The following PAM16 variants were observed in gnomAD, a reference collection of about 807,000 sequenced individuals.
PAM16 encodes the protein mitochondrial import inner membrane translocase subunit TIM16.
A neutral mutation model predicts 17.9 loss-of-function variants in PAM16; 11 were observed. The observed-to-expected ratio is 0.62, with a 90% CI of 0.39 to 1.02. The LOEUF (loss-of-function observed/expected upper bound fraction) is 1.02, where lower values mean the gene tolerates loss of function less well. Ranked by LOEUF, PAM16 falls within the 50% of genes least tolerant of loss-of-function variation. The probability of loss-of-function intolerance (pLI) is 0.01; values close to 1 mark genes in which losing one functional copy is unlikely to be tolerated. For missense variants in PAM16, 199 were observed against 165.4 expected (o/e 1.20, Z -1.11); for synonymous variants, 72 against 67.4 (o/e 1.07, Z -0.34).
chr16:4,350,853 C>G (rs922312495), intron 1 of PAM16: 1 of 192,750 alleles, frequency 5.2e-6, no homozygotes, highest in African/African-American at 2.3e-5. Flanking sequence ...CTGGAAAGGC[C>G]AGCTTTCCAC....
At chr16:4,345,796 C>A (rs1339754209) in intron 1 of PAM16, 6 of 980,946 alleles carry the variant, frequency 6.1e-6, no homozygotes, top group Non-Finnish European at 7.3e-6. Flanking sequence ...CTGACTTCGC[C>A]TCCTTCCTAA....
chr16:4,341,549 C>G, intron 2 of PAM16, 45 bp from the exon 3 acceptor site: 1 of 1,564,046 alleles, frequency 6.4e-7, no homozygotes, highest in Non-Finnish European at 8.6e-7. Flanking sequence ...GCAGCCCACA[C>G]TTCACCCTGG....
At chr16:4,345,713 G>A (rs557190878) in intron 1 of PAM16, 39 of 252,546 alleles carry the variant, frequency 1.5e-4, no homozygotes, top group African/African-American at 6.7e-4. Context: ...TGATCACAGC[G>A]AGGGGCAGGG....
intron 1 of PAM16, 79 bp downstream of exon 1, chr16:4,351,153 C>G: frequency 1.2e-6 from 1 of 846,212 alleles, no homozygotes; most frequent in Non-Finnish European, 1.6e-6. Flanking sequence ...CGCCGCCCAG[C>G]CCGGAGCTCG....
chr16:4,343,452 A>G, intron 1 of PAM16, 161 bp from the exon 2 acceptor site: 1 of 1,434,716 alleles, frequency 7.0e-7, no homozygotes, highest in Non-Finnish European at 9.1e-7. Flanking sequence ...CCTGAATGAA[A>G]GCTTCCATGG....
chr16:4,344,957 C>G (rs751019405), intron 1 of PAM16, among the ~76,000 whole-genome samples: 1 of 152,002 alleles, frequency 6.6e-6, no homozygotes, highest in Non-Finnish European at 1.5e-5. Flanking sequence ...TGAGCCAAAA[C>G]TGGCAGGAGA....
At chr16:4,346,027 G>A in intron 1 of PAM16, 1 of 955,624 alleles carries the variant, frequency 1.0e-6, no homozygotes, top group Non-Finnish European at 1.2e-6. Context: ...ATAATGAACG[G>A]TAAGAGCTGA....
chr16:4,343,874 A>G (rs2053690206), intron 1 of PAM16: 1 of 398,376 alleles, frequency 2.5e-6, no homozygotes, highest in East Asian at 3.6e-5. Context: ...TAAACACACT[A>G]TGGACCAAAT....
In PAM16 at chr16:4,343,222, G is replaced by A. The variant is rs544597331; in HGVS notation, c.73C>T (p.Arg25Trp). ...CCATGCTTACCTGCAAACTCCTGCC[G>A]CAAGGCCCGTGCAAAGGCCCTGCCC... Reference protein sequence around the residue: ...VVGRAFARALRQEFAASRAAA... With the variant: ...VVGRAFARALWQEFAASRAAA... The change falls in exon 2 of 5, where the codon CGG (arginine) becomes TGG (tryptophan). Residue 25 changes from arginine to tryptophan, a missense_variant. Arg to Trp is a moderately radical substitution (Grantham distance 101, BLOSUM62 -3). Transcript: ENST00000318059. 11 of 1,612,758 alleles carry A rather than the reference G, an allele frequency of 6.8e-6. No homozygotes were observed. Among genetic ancestry groups the A allele is most frequent in the African/African-American group, 6.7e-5 (5 of 75,048 alleles).
At chr16:4,342,738 C>T (rs2053668470) in intron 2 of PAM16, among the ~76,000 whole-genome samples, 1 of 152,056 alleles carries the variant, frequency 6.6e-6, no homozygotes. Context: ...GCAGGCGGAT[C>T]ACCTGAAGTC....
Position 4,340,985 on chromosome 16 carries a change from T to C in PAM16, c.226A>G (p.Asn76Asp), listed in dbSNP as rs786203989. The change falls in exon 4 of 5, where the codon AAC becomes GAC. Residue 76 changes from asparagine (N) to aspartate (D), a missense_variant and splice_region_variant. By Grantham distance (23) the Asn-to-Asp change is conservative. Coordinates refer to ENST00000318059, the MANE Select transcript of PAM16 (RefSeq NM_016069.11). ...TTCACCTTAAATAAGTGTTCATAGTTCTGCAGAGGAGAGGGGACGGGTGAG... is the reference window on the plus strand; with the variant it reads ...TTCACCTTAAATAAGTGTTCATAGTCCTGCAGAGGAGAGGGGACGGGTGAG... The part of the protein sequence containing the change: ...SKLSPEEVQK[N>D]YEHLFKVNDK... The C allele has an allele frequency of 6.2e-7, 1 of 1,613,502 alleles. No homozygotes were observed. Among genetic ancestry groups the C allele is most frequent in the Middle Eastern group, 1.7e-4 (1 of 6,058 alleles).
rs1159628440 is a variant in PAM16, at chr16:4,351,294, A to G, written c.-60T>C. 1.0e-5 allele frequency: 14 copies of G among 1,381,894 alleles called. No homozygotes were observed. The highest frequency in any genetic ancestry group is 1.3e-5 in the Non-Finnish European group (14 of 1,046,226). 85.6% of individuals were successfully genotyped at this position (1,381,894 alleles called of 1,614,324 possible). ...CTTCCTGGCCCCGCGGCCGGGGATCAAGCGTGGTCGGCGGGTCAGAGGTCA... is the reference window on the plus strand; with the variant it reads ...CTTCCTGGCCCCGCGGCCGGGGATCGAGCGTGGTCGGCGGGTCAGAGGTCA... On this transcript the variant is annotated 5_prime_UTR_variant, in exon 1 of 5. Coordinates refer to ENST00000318059, the MANE Select transcript of PAM16 (RefSeq NM_016069.11).
In PAM16 at chr16:4,341,503, G is replaced by A. The variant is rs2053646737; in HGVS notation, c.90C>T (p.Ala30=). 3 of 1,606,918 alleles carry A rather than the reference G, an allele frequency of 1.9e-6. No homozygotes were observed. Among genetic ancestry groups the A allele is most frequent in the Non-Finnish European group, 1.7e-6 (2 of 1,178,552 alleles). ...CTCGGGCATCAGCTGCGGCCCGGCT[G>A]GCTGTGTGGACATGTGGGTGATCGC... ...FARALRQEFA[A]SRAAADARGR... is the part of the protein sequence containing the mutation. The change falls in exon 3 of 5, where the codon GCC becomes GCT. Residue 30 remains alanine (A), a splice_region_variant and synonymous_variant. Transcript: ENST00000318059.
chr16:4,350,291 A>G (rs192619277), intron 1 of PAM16, among the ~76,000 whole-genome samples: 2 of 150,538 alleles, frequency 1.3e-5, no homozygotes, highest in East Asian at 3.9e-4. Flanking sequence ...ACATATGTAT[A>G]TATTATGTGT....
intron 1 of PAM16, among the ~76,000 whole-genome samples, chr16:4,349,129 G>A (rs920419501): frequency 6.6e-6 from 1 of 151,596 alleles, no homozygotes. Flanking sequence ...CTAATTTTTT[G>A]TATTTTTAGT....
intron 1 of PAM16, chr16:4,344,236 C>CTG (rs2053699976): frequency 3.9e-5 from 3 of 76,194 alleles, no homozygotes; most frequent in African/African-American, 1.3e-4. Flanking sequence ...GGAGGGGGTT[C>CTG]CGTGAGAGGA....
chr16:4,341,273 C>CCT (rs1164503651), intron 3 of PAM16, 95 bp downstream of exon 3: 1 of 1,487,750 alleles, frequency 6.7e-7, no homozygotes, highest in African/African-American at 1.4e-5. Flanking sequence ...GCAGCTGCAG[C>CCT]CTCCACATCG....
chr16:4,343,797 T>C (rs929093016), intron 1 of PAM16: 20 of 401,112 alleles, frequency 5.0e-5, no homozygotes, highest in East Asian at 5.0e-4. Context: ...TTCCATTCAA[T>C]AAAACAAACT....
chr16:4,351,136 C>T (rs2053851354), intron 1 of PAM16, 96 bp downstream of exon 1: 6 of 643,988 alleles, frequency 9.3e-6, no homozygotes, highest in Admixed American at 4.5e-5. Context: ...AGGGGGCGCA[C>T]GGCGCCCGCC....
Sources: allele counts gnomAD v4.1 joint callset (sites outside exome capture counted in the v4.1 genomes callset), GRCh38; gene constraint gnomAD v4.1.1; transcripts MANE v1.5; gene names NCBI Gene and HGNC (gene_info 2026-07-23, HGNC 2026-07-21).